Variants in AUTS2 observed in about 807,000 individuals in gnomAD.
AUTS2 encodes autism susceptibility gene 2 protein.
A neutral mutation model predicts 112.4 loss-of-function variants in AUTS2; 17 were observed. That is an observed-to-expected ratio of 0.15 (90% CI 0.10 to 0.23). The LOEUF (loss-of-function observed/expected upper bound fraction) is 0.23. Ranked by LOEUF, AUTS2 falls within the 10% of genes least tolerant of loss-of-function variation. AUTS2 has a pLI of 1.00. For missense variants in AUTS2, 1,510 were observed against 1,701.6 expected, an observed-to-expected ratio of 0.89 and a Z score of 1.98; for synonymous variants, 751 against 702.7, an observed-to-expected ratio of 1.07 and a Z score of -1.09.
At chr7:70,734,455 A>G (rs1787661936) in intron 6 of AUTS2, among the ~76,000 whole-genome samples, 1 of 151,830 alleles carries the variant, frequency 6.6e-6, no homozygotes, top group African/African-American at 2.4e-5. Context: ...AAAAAGAAAA[A>G]AGAAGAAAAC....
chr7:70,121,451 TTACTC>T (rs1307342778), intron 3 of AUTS2, among the ~76,000 whole-genome samples: 1 of 152,028 alleles, frequency 6.6e-6, no homozygotes, highest in Non-Finnish European at 1.5e-5. Context: ...TAAGTGGTGT[TTACTC>T]TACAGAATGT....
intron 1 of AUTS2, among the ~76,000 whole-genome samples, chr7:69,703,411 T>G (rs1435241720): frequency 6.6e-6 from 1 of 152,240 alleles, no homozygotes; most frequent in Non-Finnish European, 1.5e-5. Flanking sequence ...CCTGCACTGC[T>G]TCTTCTTAAA....
chr7:70,005,781 T>C (rs935757562), intron 2 of AUTS2, among the ~76,000 whole-genome samples: 1 of 152,194 alleles, frequency 6.6e-6, no homozygotes, highest in Non-Finnish European at 1.5e-5. Context: ...AAATGTGATC[T>C]GTGACCTCAA....
At chr7:70,163,341 T>TGGGGGGGGGGG (rs200344668) in intron 4 of AUTS2, among the ~76,000 whole-genome samples, 2 of 2,762 alleles carry the variant, frequency 7.2e-4, no homozygotes, top group Non-Finnish European at 9.3e-4. Flanking sequence ...TAGGTTGTGG[T>TGGGGGGGGGGG]GGTGGGGGGG....
At chr7:70,412,803 C>A (rs948220009) in intron 4 of AUTS2, among the ~76,000 whole-genome samples, 2 of 152,128 alleles carry the variant, frequency 1.3e-5, no homozygotes, top group African/African-American at 4.8e-5. Flanking sequence ...CCAGCCTGAA[C>A]AACATGGTGA....
intron 4 of AUTS2, among the ~76,000 whole-genome samples, chr7:70,305,925 A>C (rs970599914): frequency 6.6e-6 from 1 of 152,216 alleles, no homozygotes; most frequent in African/African-American, 2.4e-5. Flanking sequence ...AATGCTAATC[A>C]AGTAATGAAG....
At chr7:70,169,388 G>A (rs985748074) in intron 4 of AUTS2, among the ~76,000 whole-genome samples, 4 of 152,024 alleles carry the variant, frequency 2.6e-5, no homozygotes, top group African/African-American at 4.8e-5. Context: ...CTACAGACAC[G>A]TGTCACCACA....
At chr7:69,746,061 G>A (rs1266671930) in intron 1 of AUTS2, among the ~76,000 whole-genome samples, 3 of 151,628 alleles carry the variant, frequency 2.0e-5, no homozygotes, top group African/African-American at 7.3e-5. Flanking sequence ...TTAATTTAGA[G>A]ACACGGTCTC....
chr7:70,538,213 G>A (rs1800400481), intron 5 of AUTS2, among the ~76,000 whole-genome samples: 1 of 152,042 alleles, frequency 6.6e-6, no homozygotes, highest in African/African-American at 2.4e-5. Context: ...CTTCAGCCTG[G>A]GTGACAGAGT....
chr7:69,601,612 G>A (rs1436770363), intron 1 of AUTS2, among the ~76,000 whole-genome samples: 2 of 151,966 alleles, frequency 1.3e-5, no homozygotes, highest in African/African-American at 4.8e-5. Context: ...TGGTATTGGT[G>A]GTGGTCGTAG....
At chr7:70,191,597 G>A (rs890292391) in intron 4 of AUTS2, among the ~76,000 whole-genome samples, 1 of 152,176 alleles carries the variant, frequency 6.6e-6, no homozygotes, top group African/African-American at 2.4e-5. Context: ...TGCATAAAGT[G>A]ACTTGCTTTA....
intron 6 of AUTS2, among the ~76,000 whole-genome samples, chr7:70,760,216 A>G (rs904223951): frequency 3.3e-5 from 5 of 152,230 alleles, no homozygotes; most frequent in Non-Finnish European, 5.9e-5. Context: ...CGTGTTAGCC[A>G]GGATGGTCTC....
At chr7:70,435,684 G>C in intron 4 of AUTS2, 68 bp from the exon 5 acceptor site, 1 of 1,514,086 alleles carries the variant, frequency 6.6e-7, no homozygotes, top group Non-Finnish European at 9.2e-7. Flanking sequence ...GGTTGGGGGA[G>C]GAGGCATCAA....
chr7:70,396,135 A>G (rs1034450210), intron 4 of AUTS2, among the ~76,000 whole-genome samples: 2 of 152,180 alleles, frequency 1.3e-5, no homozygotes, highest in African/African-American at 4.8e-5. Context: ...TCATGACACC[A>G]TCACCACAGT....
intron 5 of AUTS2, among the ~76,000 whole-genome samples, chr7:70,492,112 C>T (rs1412257830): frequency 2.0e-5 from 3 of 152,110 alleles, no homozygotes; most frequent in Admixed American, 1.3e-4. Context: ...ACCTGCCTGC[C>T]TCACTGCCTG....
chr7:70,282,753 AGAAGTAATGTGAAAT>A (rs1788280577), intron 4 of AUTS2, among the ~76,000 whole-genome samples: 1 of 152,214 alleles, frequency 6.6e-6, no homozygotes, highest in African/African-American at 2.4e-5. Flanking sequence ...TTTAGCTGAT[AGAAGTAATGTGAAAT>A]GAACCGTTAG....
intron 6 of AUTS2, among the ~76,000 whole-genome samples, chr7:70,754,294 C>T (rs1438080824): frequency 6.6e-6 from 1 of 152,162 alleles, no homozygotes; most frequent in Non-Finnish European, 1.5e-5. Context: ...CGTTAAAGAC[C>T]AGCCTGTGCA....
chr7:69,631,751 T>C (rs1167040014), intron 1 of AUTS2, among the ~76,000 whole-genome samples: 1 of 152,146 alleles, frequency 6.6e-6, no homozygotes, highest in African/African-American at 2.4e-5. Context: ...TCTTCTAAAA[T>C]CCCCAAATAA....
chr7:70,490,243 A>G (rs1798178998), intron 5 of AUTS2, among the ~76,000 whole-genome samples: 1 of 152,132 alleles, frequency 6.6e-6, no homozygotes, highest in African/African-American at 2.4e-5. Context: ...CTTTGAAAAG[A>G]TTAACAAAAT....
Sources: allele counts gnomAD v4.1 joint callset (sites outside exome capture counted in the v4.1 genomes callset), GRCh38; gene constraint gnomAD v4.1.1; transcripts MANE v1.5; gene names NCBI Gene and HGNC (gene_info 2026-07-23, HGNC 2026-07-21).